The following AFF4 variants were observed in gnomAD, a reference collection of about 807,000 sequenced individuals.
AFF4 encodes the protein ALF transcription elongation factor 4.
A neutral mutation model predicts 124.8 loss-of-function variants in AFF4; 13 were observed. That is an observed-to-expected ratio of 0.10 (90% CI 0.07 to 0.17). The LOEUF (loss-of-function observed/expected upper bound fraction) is 0.17, where lower values mean the gene tolerates loss of function less well. AFF4 is among the 10% of genes least tolerant of loss of function. The probability of loss-of-function intolerance (pLI) is 1.00; values close to 1 mark genes in which losing one functional copy is unlikely to be tolerated. For missense variants in AFF4, 1,092 were observed against 1,403.8 expected, an observed-to-expected ratio of 0.78 and a Z score of 3.55; for synonymous variants, 477 against 496.1, an observed-to-expected ratio of 0.96 and a Z score of 0.51.
At chr5:132,943,838 G>A (rs1159728538) in intron 1 of AFF4, 1 of 239,348 alleles carries the variant, frequency 4.2e-6, no homozygotes. Context: ...GTAATGGATT[G>A]CCACATGGCT....
chr5:132,930,205 A>G (rs2150095115), intron 4 of AFF4, among the ~76,000 whole-genome samples: 1 of 152,342 alleles, frequency 6.6e-6, no homozygotes, highest in South Asian at 2.1e-4. Context: ...AGTGTAGGAC[A>G]GAAAGACTAA....
In AFF4 at chr5:132,875,528, C is replaced by T. The variant is rs561107435; in HGVS notation, c.*5531G>A. 2 of 189,712 alleles carry T rather than the reference C, an allele frequency of 1.1e-5. No homozygotes were observed. Among genetic ancestry groups the T allele is most frequent in the South Asian group, 3.9e-4 (2 of 5,134 alleles). 11.8% of individuals were successfully genotyped at this position (189,712 alleles called of 1,614,324 possible). On this transcript the variant is annotated 3_prime_UTR_variant, in exon 21 of 21. Coordinates refer to ENST00000265343, the MANE Select transcript of AFF4 (RefSeq NM_014423.4). ...AAATTGAAATGTGATACCCTTGTCT[C>T]CAAATATTTTAATTGCCATAAATTT...
chr5:132,898,612 T>C (rs1453541987), intron 9 of AFF4, among the ~76,000 whole-genome samples: 1 of 151,986 alleles, frequency 6.6e-6, no homozygotes, highest in East Asian at 1.9e-4. Flanking sequence ...GCCTCCCAAG[T>C]AGCTGGGACT....
intron 5 of AFF4, among the ~76,000 whole-genome samples, chr5:132,920,846 G>A (rs1217549995): frequency 6.6e-6 from 1 of 151,872 alleles, no homozygotes; most frequent in Non-Finnish European, 1.5e-5. Context: ...GCCCATTTCA[G>A]GCCGGGCGCA....
intron 1 of AFF4, among the ~76,000 whole-genome samples, chr5:132,950,818 T>G (rs1761827332): frequency 6.6e-6 from 1 of 152,202 alleles, no homozygotes; most frequent in Non-Finnish European, 1.5e-5. Context: ...TTTGCTATCT[T>G]CTAGACCTTT....
At chr5:132,920,327 G>A (rs1581304859) in intron 5 of AFF4, among the ~76,000 whole-genome samples, 1 of 151,160 alleles carries the variant, frequency 6.6e-6, no homozygotes, top group African/African-American at 2.4e-5. Flanking sequence ...TGGGATTACA[G>A]GTGTGAGCCA....
intron 1 of AFF4, among the ~76,000 whole-genome samples, chr5:132,952,010 A>C (rs1761854689): frequency 6.6e-6 from 1 of 152,230 alleles, no homozygotes; most frequent in Admixed American, 6.5e-5. Flanking sequence ...GTATCCACAC[A>C]GTTTACTTAT....
intron 1 of AFF4, among the ~76,000 whole-genome samples, chr5:132,953,290 G>T (rs1171920865): frequency 1.3e-5 from 2 of 151,938 alleles, no homozygotes; most frequent in Non-Finnish European, 2.9e-5. Context: ...ACCCAGGCTG[G>T]AGTACAGTGG....
chr5:132,926,292 T>G (rs1761169663), intron 5 of AFF4: 2 of 436,020 alleles, frequency 4.6e-6, no homozygotes, highest in South Asian at 3.6e-5. Context: ...GGTAAAACTT[T>G]CACAAGGAGA....
chr5:132,962,804 CTTT>C (rs35471619), intron 1 of AFF4, among the ~76,000 whole-genome samples: 19 of 129,646 alleles, frequency 1.5e-4, no homozygotes, highest in East Asian at 2.2e-4. Flanking sequence ...ATTTTTCCTT[CTTT>C]TTTTTTTTTT....
chr5:132,926,137 C>T (rs778185640), intron 5 of AFF4: 13 of 338,534 alleles, frequency 3.8e-5, no homozygotes, highest in Non-Finnish European at 6.6e-5. Context: ...AATATATTTG[C>T]GTAGAAATAA....
At chr5:132,958,581 C>T (rs1016149398) in intron 1 of AFF4, among the ~76,000 whole-genome samples, 2 of 150,376 alleles carry the variant, frequency 1.3e-5, no homozygotes, top group South Asian at 2.1e-4. Flanking sequence ...GGCAATGAAA[C>T]GTAAATCAGG....
intron 1 of AFF4, among the ~76,000 whole-genome samples, chr5:132,941,443 C>T (rs1581325805): frequency 6.6e-6 from 1 of 152,130 alleles, no homozygotes; most frequent in African/African-American, 2.4e-5. Context: ...AAATGATTCT[C>T]ATGCCTCAGC....
chr5:132,923,396 GAGAA>G (rs1472360939), intron 5 of AFF4, among the ~76,000 whole-genome samples: 3 of 143,778 alleles, frequency 2.1e-5, no homozygotes, highest in Non-Finnish European at 3.1e-5. Flanking sequence ...GAGAGAGAGA[GAGAA>G]AGCAAGGAAG....
At chr5:132,893,156 C>T in intron 11 of AFF4, 38 bp from the exon 12 acceptor site, 1 of 1,562,834 alleles carries the variant, frequency 6.4e-7, no homozygotes, top group South Asian at 1.1e-5. Context: ...GATTTTTATT[C>T]AACTAACTTC....
intron 5 of AFF4, among the ~76,000 whole-genome samples, chr5:132,916,480 G>A (rs144082302): frequency 9.9e-5 from 15 of 152,060 alleles, no homozygotes; most frequent in Middle Eastern, 3.4e-3. Flanking sequence ...CTCCACAGGG[G>A]AACAGAATCA....
chr5:132,934,420 G>A lies in AFF4; in HGVS notation c.645C>T (p.Asp215=), dbSNP rs1035600363. Residue 215 remains aspartate, a synonymous_variant, in exon 3 of 21, where the codon GAC becomes GAT. Coordinates refer to ENST00000265343, the MANE Select transcript of AFF4 (RefSeq NM_014423.4). The part of the protein sequence containing the change: ...KEHQRSKSPR[D]PDANWDSPSR... ...AAGGAGAATCCCAGTTTGCATCAGGGTCCCGAGGTGATTTGGAGCGTTGAT... is the reference window on the plus strand; with the variant it reads ...AAGGAGAATCCCAGTTTGCATCAGGATCCCGAGGTGATTTGGAGCGTTGAT... 2 of 1,614,158 alleles carry A rather than the reference G, an allele frequency of 1.2e-6. No homozygotes were observed. The highest frequency in any genetic ancestry group is 8.5e-7 in the Non-Finnish European group (1 of 1,180,022).
intron 11 of AFF4, among the ~76,000 whole-genome samples, chr5:132,893,649 T>A (rs1010488224): frequency 9.9e-5 from 15 of 152,064 alleles, no homozygotes; most frequent in African/African-American, 3.1e-4. Flanking sequence ...TCCCAGCTAA[T>A]TTTTTGTATT....
At chr5:132,953,112 G>A (rs1222133337) in intron 1 of AFF4, among the ~76,000 whole-genome samples, 1 of 150,990 alleles carries the variant, frequency 6.6e-6, no homozygotes, top group Non-Finnish European at 1.5e-5. Flanking sequence ...GACTGCTTGA[G>A]CTCAGGAATT....
Sources: allele counts gnomAD v4.1 joint callset (sites outside exome capture counted in the v4.1 genomes callset), GRCh38; gene constraint gnomAD v4.1.1; transcripts MANE v1.5; gene names NCBI Gene and HGNC (gene_info 2026-07-23, HGNC 2026-07-21).